The following DYNLT2B variants were observed in gnomAD, a reference collection of about 807,000 sequenced individuals.
DYNLT2B encodes the protein dynein light chain Tctex-type protein 2B.
DYNLT2B carries 14 observed loss-of-function variants against 19.5 expected under a neutral mutation model. The ratio of observed to expected loss-of-function variants is 0.72; its 90% CI spans 0.47 to 1.12. The LOEUF (loss-of-function observed/expected upper bound fraction) is 1.12. Among genes scored for constraint, DYNLT2B ranks in the 50% most tolerant of loss-of-function variants. The pLI, the probability that DYNLT2B is intolerant of heterozygous loss-of-function variation, is 0.00. For synonymous variants in DYNLT2B, 70 were observed against 59.7 expected (o/e 1.17, Z -0.79); for missense variants, 133 against 174.7 (o/e 0.76, Z 1.35).
intron 2 of DYNLT2B, among the ~76,000 whole-genome samples, chr3:196,312,581 C>T (rs571210512): frequency 4.3e-4 from 66 of 152,046 alleles, no homozygotes; most frequent in Middle Eastern, 6.8e-3. Context: ...GCCTCAGCCT[C>T]CCAAGTAGCT....
chr3:196,310,936 A>G (rs923623015), intron 2 of DYNLT2B, among the ~76,000 whole-genome samples: 1 of 151,830 alleles, frequency 6.6e-6, no homozygotes, highest in African/African-American at 2.4e-5. Context: ...AGGTTTCACC[A>G]TGTTGCCCAG....
chr3:196,294,935 T>C (rs760007216), intron 4 of DYNLT2B, among the ~76,000 whole-genome samples: 6 of 151,812 alleles, frequency 4.0e-5, no homozygotes, highest in Non-Finnish European at 5.9e-5. Context: ...AGAGAAGAGG[T>C]TTCACAATGT....
At chr3:196,294,921 T>C (rs1233824758) in intron 4 of DYNLT2B, among the ~76,000 whole-genome samples, 3 of 151,796 alleles carry the variant, frequency 2.0e-5, no homozygotes, top group Non-Finnish European at 4.4e-5. Flanking sequence ...TGTGTGTTTT[T>C]AGCAGAGAAG....
At chr3:196,307,208 T>C (rs1726511275) in intron 2 of DYNLT2B, among the ~76,000 whole-genome samples, 196 bp from the exon 3 acceptor site, 1 of 152,162 alleles carries the variant, frequency 6.6e-6, no homozygotes, top group Non-Finnish European at 1.5e-5. Context: ...AGAAAGTAAT[T>C]TAACTTTTCA....
At chr3:196,291,973 A>G (rs1726106028) in intron 4 of DYNLT2B, among the ~76,000 whole-genome samples, 1 of 152,262 alleles carries the variant, frequency 6.6e-6, no homozygotes, top group Non-Finnish European at 1.5e-5. Context: ...TATTCATAAA[A>G]TAATTATTCA....
At chr3:196,306,642 G>GC (rs1672150463) in intron 3 of DYNLT2B, among the ~76,000 whole-genome samples, 1 of 152,048 alleles carries the variant, frequency 6.6e-6, no homozygotes, top group South Asian at 2.1e-4. Context: ...TCCACCTCCT[G>GC]CGTTGAAGTG....
chr3:196,297,226 G>A (rs1307323794), intron 3 of DYNLT2B, among the ~76,000 whole-genome samples: 2 of 151,846 alleles, frequency 1.3e-5, no homozygotes, highest in Admixed American at 6.6e-5. Flanking sequence ...ACAATATAAT[G>A]TTGAGTGAAA....
At chr3:196,311,701 T>A (rs1217120546) in intron 2 of DYNLT2B, among the ~76,000 whole-genome samples, 2 of 137,786 alleles carry the variant, frequency 1.5e-5, no homozygotes. Flanking sequence ...TTATTTATTT[T>A]GAGACAGAGT....
At chr3:196,315,013 G>A (rs908594222) in intron 2 of DYNLT2B, among the ~76,000 whole-genome samples, 3 of 152,002 alleles carry the variant, frequency 2.0e-5, no homozygotes, top group Non-Finnish European at 4.4e-5. Context: ...ACAGCTTGGG[G>A]GAAGAAACAA....
At chr3:196,314,201 TCTAAGAAGA>T (rs1726713320) in intron 2 of DYNLT2B, among the ~76,000 whole-genome samples, 1 of 151,930 alleles carries the variant, frequency 6.6e-6, no homozygotes, top group Non-Finnish European at 1.5e-5. Context: ...AATGATGTCT[TCTAAGAAGA>T]GCAGATGGAA....
intron 1 of DYNLT2B, among the ~76,000 whole-genome samples, chr3:196,317,458 G>T (rs1291551261): frequency 5.0e-5 from 2 of 39,884 alleles, no homozygotes; most frequent in African/African-American, 2.2e-4. Context: ...CCGTGAGCCT[G>T]ATATTTTTTT....
At chr3:196,313,818 CCAGGCA>C (rs1295294373) in intron 2 of DYNLT2B, among the ~76,000 whole-genome samples, 3 of 152,076 alleles carry the variant, frequency 2.0e-5, no homozygotes, top group Non-Finnish European at 4.4e-5. Context: ...CTTTAAGGGG[CCAGGCA>C]CAGTGGCTCA....
intron 3 of DYNLT2B, among the ~76,000 whole-genome samples, chr3:196,304,438 CTG>C (rs1426240192): frequency 6.6e-6 from 1 of 152,074 alleles, no homozygotes. Context: ...TGGCCAAAAA[CTG>C]TTTTTTTTAA....
At chr3:196,311,204 A>G (rs1404774682) in intron 2 of DYNLT2B, among the ~76,000 whole-genome samples, 1 of 152,142 alleles carries the variant, frequency 6.6e-6, no homozygotes, top group Non-Finnish European at 1.5e-5. Flanking sequence ...AGTAAATGGC[A>G]ATAAAAAAGG....
chr3:196,298,938 G>A (rs918088156), intron 3 of DYNLT2B, among the ~76,000 whole-genome samples: 10 of 152,102 alleles, frequency 6.6e-5, no homozygotes, highest in Non-Finnish European at 1.3e-4. Flanking sequence ...TTGAGACAGA[G>A]TCTTGCTCTG....
At chr3:196,300,939 G>C (rs1726339070) in intron 3 of DYNLT2B, among the ~76,000 whole-genome samples, 1 of 150,892 alleles carries the variant, frequency 6.6e-6, no homozygotes, top group African/African-American at 2.4e-5. Flanking sequence ...CATGCCTACG[G>C]TCCCAGCTAC....
intron 2 of DYNLT2B, among the ~76,000 whole-genome samples, chr3:196,312,817 G>A (rs982909182): frequency 3.3e-5 from 5 of 152,080 alleles, no homozygotes; most frequent in African/African-American, 4.8e-5. Context: ...AAAGAATCCA[G>A]GGAATACGGC....
intron 3 of DYNLT2B, among the ~76,000 whole-genome samples, chr3:196,297,538 A>AAAT (rs150451802): frequency 0.22 from 33,943 of 151,742 alleles, 5,275 homozygotes; most frequent in East Asian, 0.75. Flanking sequence ...AACTAATAAT[A>AAAT]AATAATAATA....
In DYNLT2B at chr3:196,318,155, C is replaced by CG. The variant is rs766929757; in HGVS notation, c.-4dup. ...GACACTCCGATGGACGTGGCCATGCCGGGGCTTCTCGGTCCGGGCGTAGCT... is the reference window on the plus strand; with the variant it reads ...GACACTCCGATGGACGTGGCCATGCCGGGGGCTTCTCGGTCCGGGCGTAGCT... On this transcript the variant is annotated 5_prime_UTR_variant, in exon 1 of 5. Coordinates refer to ENST00000325318, the MANE Select transcript of DYNLT2B (RefSeq NM_152773.5). The CG allele has an allele frequency of 2.7e-5, 40 of 1,502,410 alleles. 1 individual carries two copies. The Middle Eastern group carries it at 1.4e-3, about 53-fold the overall frequency. 93.1% of individuals were successfully genotyped at this position (1,502,410 alleles called of 1,614,324 possible).
Sources: gnomAD v4.1 joint callset for allele counts (sites outside exome capture counted in the v4.1 genomes callset) on GRCh38, gnomAD v4.1.1 for gene constraint, MANE v1.5 for transcripts, NCBI Gene and HGNC (gene_info 2026-07-23, HGNC 2026-07-21) for gene names.